SELENOS: variants seen among roughly 807,000 people sequenced by gnomAD.
The protein encoded by SELENOS is VCP interacting membrane selenoprotein.
SELENOS carries 37 observed loss-of-function variants against 30.2 expected under a neutral mutation model. The ratio of observed to expected loss-of-function variants is 1.23; its 90% CI spans 0.94 to 1.61. The LOEUF is 1.61. SELENOS is among the 40% of genes most tolerant of loss of function. The pLI, the probability that SELENOS is intolerant of heterozygous loss-of-function variation, is 0.00. For missense variants in SELENOS, 289 were observed against 231.8 expected, an observed-to-expected ratio of 1.25 and a Z score of -1.60; for synonymous variants, 119 against 91.6, an observed-to-expected ratio of 1.30 and a Z score of -1.71.
At chr15:101,276,422 T>A in intron 2 of SELENOS, 119 bp downstream of exon 2, 1 of 1,332,622 alleles carries the variant, frequency 7.5e-7, no homozygotes, top group East Asian at 2.8e-5. Flanking sequence ...CTATTTTTTT[T>A]TTTTTTAAAT....
chr15:101,274,599 TTC>T lies in SELENOS; in HGVS notation c.399_400del (p.Lys134AlafsTer30). On this transcript the variant is annotated frameshift_variant, in exon 4 of 6. Coordinates refer to ENST00000526049, the MANE Select transcript of SELENOS (RefSeq NM_018445.6). LOFTEE classifies it high-confidence loss of function. The stretch of plus-strand genomic sequence containing the variant: ...GCCGAGGTCTCCAGTCACCTGGGGC[TTC>T]TTTGCATTTCCTTTGTAACTTTTTC... The T allele has an allele frequency of 6.2e-7, 1 of 1,613,666 alleles. No homozygotes were observed. The highest frequency in any genetic ancestry group is 8.5e-7 in the Non-Finnish European group (1 of 1,179,758).
downstream of SELENOS, among the ~76,000 whole-genome samples, chr15:101,271,838 T>C (rs1567117947): frequency 1.3e-5 from 2 of 152,188 alleles, no homozygotes; most frequent in Non-Finnish European, 2.9e-5. Flanking sequence ...CCTTTAAAAA[T>C]ATAAAAACCT....
intron 2 of SELENOS, among the ~76,000 whole-genome samples, chr15:101,275,807 A>G (rs777412511): frequency 1.6e-4 from 25 of 152,118 alleles, no homozygotes; most frequent in Non-Finnish European, 2.8e-4. Flanking sequence ...GTTTCTACAG[A>G]AAAGAAAAAT....
intron 1 of SELENOS, 125 bp from the exon 2 acceptor site, chr15:101,276,800 A>T (rs2039333178): frequency 1.7e-6 from 2 of 1,166,574 alleles, no homozygotes; most frequent in African/African-American, 3.1e-5. Flanking sequence ...CTGAGGAAAA[A>T]GCCTCCTAAG....
At chr15:101,275,211 C>A in intron 3 of SELENOS, 44 bp downstream of exon 3, 1 of 1,489,774 alleles carries the variant, frequency 6.7e-7, no homozygotes, top group South Asian at 1.3e-5. Context: ...CACTAAACCT[C>A]AGACAATTTC....
rs1162493913 is a variant in SELENOS at position 101,275,514 on chromosome 15, C to T, written c.212-153G>A. Among the ~76,000 whole-genome samples, 3 of 149,568 alleles carry T rather than the reference C, an allele frequency of 2.0e-5. No individual in the cohort carries two copies. In the East Asian group the frequency reaches 5.8e-4, roughly 29 times the overall value. ...TAAGTACTCCTAACCCCTCTGCATA[C>T]ATTTTACTGCTTCAGGGGGCAGGGG... On this transcript the variant is annotated intron_variant, in intron 2 of 5. Transcript: ENST00000526049.
At chr15:101,272,882 C>G in intron 5 of SELENOS, 26 bp from the exon 6 acceptor site, 2 of 1,579,760 alleles carry the variant, frequency 1.3e-6, no homozygotes, top group Non-Finnish European at 1.7e-6. Flanking sequence ...AGCAGCACAA[C>G]AGTATTGATA....
rs753951983 is a variant in SELENOS, at chr15:101,272,822, A to C, written c.519T>G (p.Ala173=). Residue 173 remains alanine (A), a synonymous_variant, in exon 6 of 6, where the codon GCT becomes GCG. Transcript: ENST00000526049. ...CTCTGCGTCCAGGTCTCCAGGAGCA[A>C]GCTCCGCCTCCTTCACCAGACAACG... ...YNPLSGEGGG[A]CSWRPGRRGP... is the part of the protein sequence containing the mutation. 65 of 1,610,324 alleles carry C rather than the reference A, an allele frequency of 4.0e-5. No homozygotes were observed. The highest frequency in any genetic ancestry group is 2.2e-4 in the South Asian group (20 of 90,018).
Position 101,272,516 on chromosome 15 carries a change from T to A in SELENOS, c.*255A>T, listed in dbSNP as rs2039278630. ...TGCTAATCATCTAGAGGCCTTTACCTACCAACTAGCAATTAACCATGAAAT... is the reference window on the plus strand; with the variant it reads ...TGCTAATCATCTAGAGGCCTTTACCAACCAACTAGCAATTAACCATGAAAT... On this transcript the variant is annotated 3_prime_UTR_variant, in exon 6 of 6. Transcript: ENST00000526049. The A allele has an allele frequency of 2.3e-6, 1 of 429,028 alleles. No individual in the cohort carries two copies. Among genetic ancestry groups the A allele is most frequent in the African/African-American group, 2.0e-5 (1 of 50,162 alleles). 26.6% of individuals were successfully genotyped at this position (429,028 alleles called of 1,614,324 possible).
At chr15:101,273,108 GC>G (rs1235056914) in intron 5 of SELENOS, among the ~76,000 whole-genome samples, 9 of 151,970 alleles carry the variant, frequency 5.9e-5, no homozygotes, top group Non-Finnish European at 1.2e-4. Context: ...CGAAACACAT[GC>G]AAAAGGGTCA....
At position 101,272,816 on chromosome 15, in the gene SELENOS, G is replaced by A. The variant is rs955056468; in HGVS notation, c.525C>T (p.Ser175=). The change falls in exon 6 of 6, where the codon TCC becomes TCT. Residue 175 remains serine (S), a synonymous_variant. Coordinates refer to ENST00000526049, the MANE Select transcript of SELENOS (RefSeq NM_018445.6). ...ACGGGCCTCTGCGTCCAGGTCTCCAGGAGCAAGCTCCGCCTCCTTCACCAG... is the reference window on the plus strand; with the variant it reads ...ACGGGCCTCTGCGTCCAGGTCTCCAAGAGCAAGCTCCGCCTCCTTCACCAG... ...PLSGEGGGAC[S]WRPGRRGPSS... 18 of 1,610,488 alleles carry A rather than the reference G, an allele frequency of 1.1e-5. No homozygotes were observed. The highest frequency in any genetic ancestry group is 4.0e-5 in the African/African-American group (3 of 74,872).
In SELENOS at chr15:101,276,661, C is replaced by T; in HGVS notation, c.91G>A (p.Ala31Thr). ...FLHTTVGSLL[A>T]TYGWYIVFSC... Reference sequence around the variant, plus strand: ...AAGACGATGTACCAGCCATAGGTGGCCAGCAGGGAGCCCACTGAAAAGAAA... The same window carrying T: ...AAGACGATGTACCAGCCATAGGTGGTCAGCAGGGAGCCCACTGAAAAGAAA... Residue 31 changes from alanine to threonine, a missense_variant, in exon 2 of 6, where the codon GCC (alanine) becomes ACC (threonine). By Grantham distance (58) the Ala-to-Thr change is moderately conservative. Coordinates refer to ENST00000526049, the MANE Select transcript of SELENOS (RefSeq NM_018445.6). The T allele has an allele frequency of 6.2e-7, 1 of 1,605,554 alleles. No homozygotes were observed. Among genetic ancestry groups the T allele is most frequent in the East Asian group, 2.2e-5 (1 of 44,826 alleles).
chr15:101,274,617 T>C lies in SELENOS; in HGVS notation c.383A>G (p.Tyr128Cys). Residue 128 changes from tyrosine (Y) to cysteine (C), a missense_variant, in exon 4 of 6, where the codon TAC (tyrosine) becomes TGC (cysteine). Tyr to Cys is a radical substitution (Grantham distance 194). Coordinates refer to ENST00000526049, the MANE Select transcript of SELENOS (RefSeq NM_018445.6). ...MWDSMQEGKS[Y>C]KGNAKKPQEE... ...CTGGGGCTTCTTTGCATTTCCTTTG[T>C]AACTTTTTCCTTCTTGCATGCTGTC... 1.9e-6 allele frequency: 3 copies of C among 1,613,748 alleles called. No homozygotes were observed. The highest frequency in any genetic ancestry group is 2.5e-6 in the Non-Finnish European group (3 of 1,179,836).
At position 101,272,702 on chromosome 15, in the gene SELENOS, G is replaced by C; in HGVS notation, c.*69C>G. 6.7e-7 allele frequency: 1 copy of C among 1,489,898 alleles called. No homozygotes were observed. The allele number at this position is 1,489,898 out of a possible 1,614,324, so 92.3% of individuals were successfully genotyped here. ...CTTGGCTAGTCACTGTGAAAAGCGTGCGTAAGGCAATTGAATCGAGGGTTA... is the reference window on the plus strand; with the variant it reads ...CTTGGCTAGTCACTGTGAAAAGCGTCCGTAAGGCAATTGAATCGAGGGTTA... On this transcript the variant is annotated 3_prime_UTR_variant, in exon 6 of 6. Transcript: ENST00000526049.
intron 5 of SELENOS, chr15:101,274,084 C>T: frequency 2.8e-6 from 1 of 360,336 alleles, no homozygotes; most frequent in Non-Finnish European, 5.2e-6. Context: ...TTGTTATTTG[C>T]AAGAAACAAG....
At chr15:101,277,165 C>T in intron 1 of SELENOS, 177 bp downstream of exon 1, 1 of 1,127,698 alleles carries the variant, frequency 8.9e-7, no homozygotes, top group Non-Finnish European at 1.3e-6. Context: ...GTGCGGCTCC[C>T]GAGAAGCCTC....
intron 5 of SELENOS, 163 bp downstream of exon 5, chr15:101,274,257 G>A (rs368521876): frequency 6.6e-6 from 5 of 759,496 alleles, no homozygotes; most frequent in East Asian, 2.7e-5. Context: ...ACTTAGTGAG[G>A]ACCTAGGAGG....
At position 101,276,678 on chromosome 15, in the gene SELENOS, GA is replaced by G; in HGVS notation, c.77-4del. On this transcript the variant is annotated splice_polypyrimidine_tract_variant and splice_region_variant and intron_variant, in intron 1 of 5. Coordinates refer to ENST00000526049, the MANE Select transcript of SELENOS (RefSeq NM_018445.6). ...ATAGGTGGCCAGCAGGGAGCCCACT[GA>G]AAAGAAAAACAGTTTTCAAAAAACT... 1 of 1,598,368 alleles carries G rather than the reference GA, an allele frequency of 6.3e-7. No homozygotes were observed. Among genetic ancestry groups the G allele is most frequent in the Non-Finnish European group, 8.5e-7 (1 of 1,175,876 alleles).
intron 1 of SELENOS, 98 bp downstream of exon 1, chr15:101,277,244 C>G: frequency 6.6e-7 from 1 of 1,516,886 alleles, no homozygotes; most frequent in South Asian, 1.2e-5. Flanking sequence ...CCAGGCCTCC[C>G]AGGCTCCGGC....
Sources: allele counts gnomAD v4.1 joint callset (sites outside exome capture counted in the v4.1 genomes callset), GRCh38; gene constraint gnomAD v4.1.1; transcripts MANE v1.5; gene names NCBI Gene and HGNC (gene_info 2026-07-23, HGNC 2026-07-21).